The following SYT1 variants were observed in gnomAD, a reference collection of about 807,000 sequenced individuals.
SYT1 encodes synaptotagmin 1, also known as synaptotagmin-1.
In SYT1, 8 loss-of-function variants were observed where a neutral mutation model predicts 44.8. That is an observed-to-expected ratio of 0.18 (90% CI 0.10 to 0.32). SYT1 has a LOEUF of 0.32. Ranked by LOEUF, SYT1 falls within the 10% of genes least tolerant of loss-of-function variation. SYT1 has a pLI of 1.00. For missense variants in SYT1, 286 were observed against 509.3 expected (o/e 0.56, Z 4.22); for synonymous variants, 154 against 188.8 (o/e 0.82, Z 1.51).
Position 79,063,059 on chromosome 12 carries a change from G to A in SYT1, c.-18+15697G>A, listed in dbSNP as rs144838703. On this transcript the variant is annotated intron_variant, in intron 3 of 10. Coordinates refer to ENST00000261205, the MANE Select transcript of SYT1 (RefSeq NM_005639.3). ...CATTTGGGTTTGCAGAGCACGTCAC[G>A]GTTTACATAGCAGTTTCACATATGC... Among the ~76,000 whole-genome samples, 129 of 152,156 alleles carry A rather than the reference G, an allele frequency of 8.5e-4. 1 individual carries two copies. The highest frequency in any genetic ancestry group is 2.9e-3 in the African/African-American group (119 of 41,526).
Position 79,410,126 on chromosome 12 carries a change from C to T in SYT1, c.929-33947C>T, listed in dbSNP as rs746159776. ...ATCAAGGTTTGAATCCCTGAAGCAC[C>T]CTATCCCTCTGTTCTACAAATTAGC... On this transcript the variant is annotated intron_variant, in intron 9 of 10. Transcript: ENST00000261205. 4.6e-5 allele frequency among the ~76,000 whole-genome samples: 7 copies of T among 151,932 alleles called. No homozygotes were observed. In the East Asian group the frequency reaches 1.4e-3, roughly 29 times the overall value.
At chr12:79,037,689 GA>G in intron 2 of SYT1, among the ~76,000 whole-genome samples, 1 of 151,640 alleles carries the variant, frequency 6.6e-6, no homozygotes, top group East Asian at 1.9e-4. Flanking sequence ...TCATTTCCAA[GA>G]AAGTCCATAT....
intron 9 of SYT1, among the ~76,000 whole-genome samples, chr12:79,383,731 A>G (rs1884319484): frequency 6.6e-6 from 1 of 152,200 alleles, no homozygotes; most frequent in Admixed American, 6.5e-5. Flanking sequence ...TAGATTACTC[A>G]CAGACACATG....
intron 2 of SYT1, among the ~76,000 whole-genome samples, chr12:78,980,646 A>G (rs1460852128): frequency 6.6e-6 from 1 of 152,198 alleles, no homozygotes; most frequent in African/African-American, 2.4e-5. Context: ...GCCCAGATTC[A>G]ATTTTATGAA....
At chr12:79,205,316 G>A (rs73343567) in intron 3 of SYT1, among the ~76,000 whole-genome samples, 9,406 of 152,074 alleles carry the variant, frequency 0.062, 581 homozygotes, top group African/African-American at 0.16. Context: ...TTTTTATAAT[G>A]CATTTGAAAA....
chr12:79,021,757 TA>T (rs1872210614), intron 2 of SYT1, among the ~76,000 whole-genome samples: 1 of 151,842 alleles, frequency 6.6e-6, no homozygotes. Flanking sequence ...TGCCCAAACC[TA>T]GGCTTTTTAA....
chr12:78,985,269 A>G (rs760151135), intron 2 of SYT1, among the ~76,000 whole-genome samples: 1 of 151,968 alleles, frequency 6.6e-6, no homozygotes, highest in Admixed American at 6.6e-5. Flanking sequence ...TTAAAACTAT[A>G]CGTAGTATAA....
chr12:79,230,871 C>T (rs1035277501), intron 4 of SYT1, among the ~76,000 whole-genome samples: 1 of 152,154 alleles, frequency 6.6e-6, no homozygotes, highest in Non-Finnish European at 1.5e-5. Flanking sequence ...GGGGCTTGAA[C>T]AAGATTTTGG....
At chr12:79,303,966 A>C (rs1178329498) in intron 8 of SYT1, among the ~76,000 whole-genome samples, 1 of 152,240 alleles carries the variant, frequency 6.6e-6, no homozygotes, top group Non-Finnish European at 1.5e-5. Context: ...ATCCTTATAA[A>C]AGGTTAATTG....
chr12:79,178,691 C>T (rs1872056919), intron 3 of SYT1, among the ~76,000 whole-genome samples: 1 of 151,644 alleles, frequency 6.6e-6, no homozygotes, highest in South Asian at 2.1e-4. Flanking sequence ...AATCCAATAC[C>T]ATAGAATGTT....
intron 8 of SYT1, among the ~76,000 whole-genome samples, chr12:79,346,705 C>T (rs114933326): frequency 0.01 from 1,527 of 152,252 alleles, 26 homozygotes; most frequent in African/African-American, 0.034. Flanking sequence ...AAACAAAATT[C>T]GTTACTTGAC....
At chr12:79,263,853 T>G (rs1877970644) in intron 4 of SYT1, among the ~76,000 whole-genome samples, 1 of 147,688 alleles carries the variant, frequency 6.8e-6, no homozygotes, top group Non-Finnish European at 1.5e-5. Context: ...CTCTTAAGCT[T>G]TTTTTTTTTT....
intron 9 of SYT1, among the ~76,000 whole-genome samples, chr12:79,380,788 C>T (rs754650109): frequency 2.0e-5 from 3 of 152,138 alleles, no homozygotes; most frequent in Non-Finnish European, 2.9e-5. Flanking sequence ...GTCCTCCTCC[C>T]CTCAATTCTT....
At chr12:78,917,059 TG>T (rs1326291604) in intron 1 of SYT1, among the ~76,000 whole-genome samples, 1 of 152,016 alleles carries the variant, frequency 6.6e-6, no homozygotes, top group Non-Finnish European at 1.5e-5. Flanking sequence ...CCCAAGTACC[TG>T]GGACCACAGG....
intron 4 of SYT1, among the ~76,000 whole-genome samples, chr12:79,260,388 C>A (rs1252785181): frequency 6.6e-6 from 1 of 152,164 alleles, no homozygotes; most frequent in Admixed American, 6.5e-5. Context: ...GCTACTTTAA[C>A]AAGAAATTCA....
chr12:79,317,564 C>T (rs1460243300), intron 8 of SYT1, among the ~76,000 whole-genome samples: 4 of 152,120 alleles, frequency 2.6e-5, no homozygotes, highest in South Asian at 2.1e-4. Flanking sequence ...TGGGAGAACC[C>T]GGGGCACACA....
chr12:79,004,977 A>C (rs1232386382), intron 2 of SYT1, among the ~76,000 whole-genome samples: 1 of 152,000 alleles, frequency 6.6e-6, no homozygotes, highest in African/African-American at 2.4e-5. Context: ...TAGTTGTATG[A>C]AACCCCAGGG....
chr12:79,019,638 GA>G (rs1477111177), intron 2 of SYT1, among the ~76,000 whole-genome samples: 2 of 151,882 alleles, frequency 1.3e-5, no homozygotes, highest in Non-Finnish European at 2.9e-5. Flanking sequence ...ACTTCGATGG[GA>G]AAAATGACAT....
intron 3 of SYT1, among the ~76,000 whole-genome samples, chr12:79,151,195 G>A (rs2138260846): frequency 6.6e-6 from 1 of 152,268 alleles, no homozygotes; most frequent in African/African-American, 2.4e-5. Flanking sequence ...GAGGTGTCAA[G>A]GGTTGGCAGA....
Sources: allele counts gnomAD v4.1 joint callset (sites outside exome capture counted in the v4.1 genomes callset), GRCh38; gene constraint gnomAD v4.1.1; transcripts MANE v1.5; gene names NCBI Gene and HGNC (gene_info 2026-07-23, HGNC 2026-07-21).